Variants in RIPOR2 observed in about 807,000 individuals in gnomAD.
RIPOR2 encodes RHO family interacting cell polarization regulator 2.
In RIPOR2, 39 loss-of-function variants were observed where a neutral mutation model predicts 114.5. The ratio of observed to expected loss-of-function variants is 0.34; its 90% CI spans 0.26 to 0.44. RIPOR2 has a LOEUF of 0.44. RIPOR2 is among the 20% of genes least tolerant of loss of function. The pLI is 1.00. For missense variants in RIPOR2, 1,007 were observed against 1,255.1 expected, an observed-to-expected ratio of 0.80 and a Z score of 2.99; for synonymous variants, 445 against 484.4, an observed-to-expected ratio of 0.92 and a Z score of 1.07.
Position 24,847,621 on chromosome 6 carries a change from A to G in RIPOR2, c.1164+404T>C, listed in dbSNP as rs779101258. ...GGAGCGGCTGCGGTGCAGCTTGGCA[A>G]AGAAAGTGTCTTGCAAGGCACTCAA... On this transcript the variant is annotated intron_variant, in intron 12 of 21. Transcript: ENST00000643898. 9.7e-6 allele frequency: 15 copies of G among 1,551,602 alleles called. No homozygotes were observed. In the African/African-American group the frequency reaches 1.4e-4, roughly 14 times the overall value.
At chr6:24,954,455 C>CTTTTTTT (rs372356246) in intron 1 of RIPOR2, among the ~76,000 whole-genome samples, 1,439 of 116,014 alleles carry the variant, frequency 0.012, 195 homozygotes, top group Non-Finnish European at 0.016. Context: ...GTCTCTCTCT[C>CTTTTTTT]CTTTTTTTTT....
At chr6:24,874,324 T>A (rs930242342) in intron 2 of RIPOR2, among the ~76,000 whole-genome samples, 1 of 152,192 alleles carries the variant, frequency 6.6e-6, no homozygotes, top group African/African-American at 2.4e-5. Flanking sequence ...TTGCCCAGGC[T>A]GGTCTTGATC....
intron 1 of RIPOR2, among the ~76,000 whole-genome samples, chr6:24,960,302 G>A (rs1428019312): frequency 2.0e-5 from 3 of 152,188 alleles, no homozygotes; most frequent in African/African-American, 7.2e-5. Flanking sequence ...GGTGTCTGCT[G>A]AGGGCCTGGT....
At chr6:25,017,382 C>G (rs750355219) in intron 1 of RIPOR2, among the ~76,000 whole-genome samples, 1 of 152,164 alleles carries the variant, frequency 6.6e-6, no homozygotes, top group African/African-American at 2.4e-5. Context: ...CAGTCCTCCC[C>G]CATTTTTACT....
At position 24,851,019 on chromosome 6, in the gene RIPOR2, C is replaced by A. The variant is rs1005361596; in HGVS notation, c.760-297G>T. Among the ~76,000 whole-genome samples the A allele has an allele frequency of 2.6e-5, 4 of 151,982 alleles. No homozygotes were observed. In the East Asian group the frequency reaches 7.7e-4, roughly 29 times the overall value. ...CAAGCGATTCCCCTGCCTCAGCCTC[C>A]CAAGTAGCTGGGACTACAGGCATGT... On this transcript the variant is annotated intron_variant, in intron 9 of 21. Transcript: ENST00000643898.
chr6:24,972,877 A>G (rs1246120461), intron 1 of RIPOR2, among the ~76,000 whole-genome samples: 1 of 152,216 alleles, frequency 6.6e-6, no homozygotes, highest in Non-Finnish European at 1.5e-5. Flanking sequence ...ATGCTGAGTA[A>G]TGACTTTATT....
intron 7 of RIPOR2, among the ~76,000 whole-genome samples, chr6:24,863,298 A>T (rs113594250): frequency 1.3e-5 from 2 of 152,178 alleles, no homozygotes; most frequent in African/African-American, 4.8e-5. Context: ...ATGAGGCTAC[A>T]GAAGTCCTGG....
At chr6:24,986,605 T>C (rs1174095748) in intron 1 of RIPOR2, among the ~76,000 whole-genome samples, 1 of 152,142 alleles carries the variant, frequency 6.6e-6, no homozygotes, top group Non-Finnish European at 1.5e-5. Flanking sequence ...GGAAATGTAG[T>C]TGTCCTGCTG....
chr6:24,913,606 C>A (rs958263133), intron 1 of RIPOR2, among the ~76,000 whole-genome samples: 1 of 152,124 alleles, frequency 6.6e-6, no homozygotes, highest in Non-Finnish European at 1.5e-5. Flanking sequence ...GGTCATATAA[C>A]CAAATAAAAA....
At chr6:24,976,144 GAAT>G (rs1201591738) in intron 1 of RIPOR2, among the ~76,000 whole-genome samples, 1 of 151,978 alleles carries the variant, frequency 6.6e-6, no homozygotes, top group Non-Finnish European at 1.5e-5. Context: ...CCTTTTGGTG[GAAT>G]AATTTTATAT....
intron 1 of RIPOR2, among the ~76,000 whole-genome samples, chr6:25,033,322 G>A (rs1468960183): frequency 1.3e-5 from 2 of 152,134 alleles, no homozygotes; most frequent in East Asian, 3.8e-4. Context: ...TGCTCACAGT[G>A]TCCCAGTTTT....
At chr6:25,022,532 ATTTTTTTTTTTTTTTTTT>A (rs10564019) in intron 1 of RIPOR2, among the ~76,000 whole-genome samples, 11 of 40,950 alleles carry the variant, frequency 2.7e-4, no homozygotes, top group East Asian at 1.1e-3. Context: ...GGTACCTTCC[ATTTTTTTTTTTTTTTTTT>A]TTTTTTTTTT....
chr6:24,901,847 C>A (rs1401606949), intron 1 of RIPOR2, among the ~76,000 whole-genome samples: 1 of 152,150 alleles, frequency 6.6e-6, no homozygotes, highest in East Asian at 1.9e-4. Context: ...CTAATCCATT[C>A]GTTTGGTTTC....
exon 1 of RIPOR2, chr6:25,041,922 A>G (rs935240290): frequency 1.0e-5 from 7 of 702,700 alleles, no homozygotes; most frequent in Admixed American, 2.0e-5. Flanking sequence ...CGAAGGTAAC[A>G]CCATGGTCCC....
At position 24,852,487 on chromosome 6, in the gene RIPOR2, AC is replaced by A. The variant is rs1237247029; in HGVS notation, c.759+87del. 4.9e-6 allele frequency: 5 copies of A among 1,019,152 alleles called. No individual in the cohort carries two copies. In the East Asian group the frequency reaches 9.6e-5, roughly 20 times the overall value. 63.1% of individuals were successfully genotyped at this position (1,019,152 alleles called of 1,614,324 possible). ...AAATTAAAAATTAAAAAAAAAAAAG[AC>A]AACTTGAAAAGCAAAATAATGACAT... On this transcript the variant is annotated intron_variant, in intron 9 of 21. Coordinates refer to ENST00000643898, the MANE Select transcript of RIPOR2 (RefSeq NM_001286445.3).
At chr6:24,875,031 C>G (rs575033077) in intron 2 of RIPOR2, among the ~76,000 whole-genome samples, 4 of 152,302 alleles carry the variant, frequency 2.6e-5, no homozygotes, top group South Asian at 4.1e-4. Context: ...GCCGAGACCT[C>G]CGAGGCCGGA....
At chr6:24,844,515 G>A (rs1371060650) in intron 12 of RIPOR2, among the ~76,000 whole-genome samples, 1 of 151,072 alleles carries the variant, frequency 6.6e-6, no homozygotes, top group Non-Finnish European at 1.5e-5. Context: ...TTGTTGCCCA[G>A]GCTGGAGGGC....
rs1762689741 is a variant in RIPOR2 at position 24,849,892 on chromosome 6, G to A, written c.944C>T (p.Thr315Ile). 1 of 1,613,870 alleles carries A rather than the reference G, an allele frequency of 6.2e-7. No homozygotes were observed. The highest frequency in any genetic ancestry group is 2.2e-5 in the East Asian group (1 of 44,872). The change falls in exon 11 of 22, where the codon ACC becomes ATC. Residue 315 changes from threonine to isoleucine, a missense_variant. Thr to Ile is a moderately conservative substitution (Grantham distance 89). Coordinates refer to ENST00000643898, the MANE Select transcript of RIPOR2 (RefSeq NM_001286445.3). ...HILVGSVTCE[T>I]KELFAARPQV... is the part of the protein sequence containing the mutation. ...AGGTCGGGCTGCAAACAGCTCTTTG[G>A]TCTCACAGGTCACGCTACCTACCAG...
chr6:24,900,378 G>T (rs1424044753), intron 1 of RIPOR2, among the ~76,000 whole-genome samples: 2 of 152,170 alleles, frequency 1.3e-5, no homozygotes, highest in Non-Finnish European at 2.9e-5. Flanking sequence ...TAGTACATGT[G>T]CCTGGCACAT....
Sources: gnomAD v4.1 joint callset for allele counts (sites outside exome capture counted in the v4.1 genomes callset) on GRCh38, gnomAD v4.1.1 for gene constraint, MANE v1.5 for transcripts, NCBI Gene and HGNC (gene_info 2026-07-23, HGNC 2026-07-21) for gene names.